SRSF1: variants seen among roughly 807,000 people sequenced by gnomAD.
The protein encoded by SRSF1 is serine/arginine-rich splicing factor 1.
Under a neutral mutation model 25.9 loss-of-function variants are expected in SRSF1, and 1 was observed. The ratio of observed to expected loss-of-function variants is 0.04; its 90% CI spans 0.01 to 0.18. SRSF1 has a LOEUF of 0.18. Among genes scored for constraint, SRSF1 ranks in the 10% least tolerant of loss-of-function variants. SRSF1 has a pLI of 1.00. For missense variants in SRSF1, 65 were observed against 350.5 expected, an observed-to-expected ratio of 0.19 and a Z score of 6.50; for synonymous variants, 132 against 126.2, an observed-to-expected ratio of 1.05 and a Z score of -0.31.
At chr17:57,998,278 G>T (rs549364995), downstream of SRSF1, among the ~76,000 whole-genome samples, 18 of 152,288 alleles carry the variant, frequency 1.2e-4, no homozygotes, top group African/African-American at 3.8e-4. Flanking sequence ...TTCTACCACC[G>T]TTAAGGGTAG....
chr17:57,994,247 C>A, the SRSF1 span: 3 of 152,186 alleles, frequency 2.0e-5, no homozygotes, highest in South Asian at 2.1e-4. Flanking sequence ...CATAGCACAT[C>A]TAGTGAAACT....
Position 58,005,619 on chromosome 17 carries a change from T to C in SRSF1, c.553-19A>G. On this transcript the variant is annotated intron_variant, in intron 3 of 3. Coordinates refer to ENST00000258962, the MANE Select transcript of SRSF1 (RefSeq NM_006924.5). This position sits in a 1 kb window ranked among gnomAD's most constrained non-coding sequence, Gnocchi z 5.2. ...TTTCTCCCTATTGGATAGACAGAAC[T>C]TTCCATTGAAAGATCTAAGCTTTCA... is the stretch of plus-strand genomic sequence containing the variant. 1 of 1,612,690 alleles carries C rather than the reference T, an allele frequency of 6.2e-7. No homozygotes were observed. Among genetic ancestry groups the C allele is most frequent in the Non-Finnish European group, 8.5e-7 (1 of 1,178,822 alleles).
the SRSF1 span, chr17:57,992,430 A>G: frequency 2.0e-5 from 3 of 152,228 alleles, no homozygotes; most frequent in African/African-American, 7.2e-5. Context: ...ACCAAACTAC[A>G]AAGATTAGCT....
chr17:57,991,209 A>G, the SRSF1 span: 2 of 152,260 alleles, frequency 1.3e-5, no homozygotes, highest in Admixed American at 6.5e-5. Context: ...GAAGATGCCT[A>G]TTAAAATCTG....
downstream of SRSF1, among the ~76,000 whole-genome samples, chr17:57,996,621 GA>G (rs1471031681): frequency 6.6e-6 from 1 of 151,248 alleles, no homozygotes; most frequent in Admixed American, 6.6e-5. Flanking sequence ...AAAACATGAA[GA>G]AAAGCAAATA....
At position 58,005,726 on chromosome 17, in the gene SRSF1, C is replaced by T; in HGVS notation, c.552+75G>A. On this transcript the variant is annotated intron_variant, in intron 3 of 3. Transcript: ENST00000258962. This position sits in a 1 kb window ranked among gnomAD's most constrained non-coding sequence, Gnocchi z 5.2. Reference sequence around the variant, plus strand: ...TTTACTTGGACAACCTTGCCTGAATCCTTACCTTGAAATTCCACTGTTAAG... The same window carrying T: ...TTTACTTGGACAACCTTGCCTGAATTCTTACCTTGAAATTCCACTGTTAAG... The T allele has an allele frequency of 6.2e-7, 1 of 1,611,696 alleles. No individual in the cohort carries two copies. The highest frequency in any genetic ancestry group is 8.5e-7 in the Non-Finnish European group (1 of 1,178,280).
chr17:58,006,579 C>A (rs1444932199), intron 1 of SRSF1, 52 bp from the exon 2 acceptor site: 1 of 1,540,452 alleles, frequency 6.5e-7, no homozygotes, highest in South Asian at 1.2e-5. Context: ...AGGAGAAGCT[C>A]GCTCAGTTGG....
chr17:58,000,401 C>CAA (rs1180796045), downstream of SRSF1, among the ~76,000 whole-genome samples: 11 of 152,280 alleles, frequency 7.2e-5, no homozygotes, highest in African/African-American at 2.4e-4. Context: ...AATCTCTTTA[C>CAA]TTCATGCCAA....
At chr17:57,996,476 A>G (rs539435618), downstream of SRSF1, among the ~76,000 whole-genome samples, 27 of 48,926 alleles carry the variant, frequency 5.5e-4, no homozygotes, top group East Asian at 3.2e-3. Context: ...AGTGCAAGAC[A>G]CTGTCTTAAA....
At chr17:57,997,344 G>C (rs775041171), downstream of SRSF1, among the ~76,000 whole-genome samples, 1 of 152,142 alleles carries the variant, frequency 6.6e-6, no homozygotes, top group East Asian at 1.9e-4. Context: ...CCCAGTTAAC[G>C]AATAGCTTGT....
chr17:57,997,652 AAT>A (rs1315968528), downstream of SRSF1, among the ~76,000 whole-genome samples: 1 of 152,216 alleles, frequency 6.6e-6, no homozygotes, highest in Non-Finnish European at 1.5e-5. Flanking sequence ...ACACTTCAGT[AAT>A]ATGAATTTGG....
chr17:58,006,638 A>C, intron 1 of SRSF1, 111 bp from the exon 2 acceptor site: 1 of 1,276,942 alleles, frequency 7.8e-7, no homozygotes, highest in Non-Finnish European at 1.1e-6. Flanking sequence ...AAGAGCCCAC[A>C]TGCGCCGCAT....
chr17:57,999,693 A>C (rs1430205336), downstream of SRSF1, among the ~76,000 whole-genome samples: 2 of 152,202 alleles, frequency 1.3e-5, no homozygotes, highest in Non-Finnish European at 2.9e-5. Context: ...CTAGTGGCTA[A>C]GTGATTTTCC....
chr17:57,994,672 C>T, the SRSF1 span: 1 of 152,186 alleles, frequency 6.6e-6, no homozygotes, highest in Admixed American at 6.5e-5. Flanking sequence ...GGTGAGAATT[C>T]CAACCCAGAA....
chr17:57,998,857 G>A (rs561617973), downstream of SRSF1, among the ~76,000 whole-genome samples: 36 of 152,280 alleles, frequency 2.4e-4, no homozygotes, highest in African/African-American at 8.7e-4. Context: ...AACATTTTAA[G>A]GCCAGTTGTC....
downstream of SRSF1, among the ~76,000 whole-genome samples, chr17:57,997,321 C>A (rs2075369134): frequency 1.3e-5 from 2 of 152,166 alleles, no homozygotes; most frequent in African/African-American, 4.8e-5. Flanking sequence ...AAAATACCTT[C>A]TCCAATAATC....
Position 58,006,540 on chromosome 17 carries a change from A to G in SRSF1, c.195-13T>C, listed in dbSNP as rs1567749206. The G allele has an allele frequency of 6.2e-7, 1 of 1,606,136 alleles. No homozygotes were observed. Among genetic ancestry groups the G allele is most frequent in the Non-Finnish European group, 8.5e-7 (1 of 1,175,506 alleles). Reference sequence around the variant, plus strand: ...GTCTTCCGCGTCTCTGCGGGATCGCAGAAAGTAAAAGGGATGAGAAACACC... The same window carrying G: ...GTCTTCCGCGTCTCTGCGGGATCGCGGAAAGTAAAAGGGATGAGAAACACC... On this transcript the variant is annotated splice_polypyrimidine_tract_variant and intron_variant, in intron 1 of 3. Transcript: ENST00000258962.
At chr17:57,996,108 T>C (rs2075363486), downstream of SRSF1, among the ~76,000 whole-genome samples, 1 of 152,232 alleles carries the variant, frequency 6.6e-6, no homozygotes, top group South Asian at 2.1e-4. Flanking sequence ...ATTTCAATAA[T>C]GTATTTATTC....
chr17:57,997,884 T>TA (rs1466793783), downstream of SRSF1, among the ~76,000 whole-genome samples: 3 of 152,206 alleles, frequency 2.0e-5, no homozygotes, highest in Non-Finnish European at 4.4e-5. Flanking sequence ...ATGTGCTTGT[T>TA]ACACTGCGAA....
Sources: allele counts gnomAD v4.1 joint callset (sites outside exome capture counted in the v4.1 genomes callset), GRCh38; gene constraint gnomAD v4.1.1; non-coding constraint Gnocchi (gnomAD v3.1); transcripts MANE v1.5; gene names NCBI Gene and HGNC (gene_info 2026-07-23, HGNC 2026-07-21).